PDXDC1: variants seen among roughly 807,000 people sequenced by gnomAD.
The protein encoded by PDXDC1 is pyridoxal dependent decarboxylase domain containing 1.
In PDXDC1, 42 loss-of-function variants were observed where a neutral mutation model predicts 100.1. That is an observed-to-expected ratio of 0.42 (90% CI 0.33 to 0.54). PDXDC1 has a LOEUF of 0.54. PDXDC1 is among the 20% of genes least tolerant of loss of function. The probability of loss-of-function intolerance (pLI) is 0.10; values close to 1 mark genes in which losing one functional copy is unlikely to be tolerated. For synonymous variants in PDXDC1, 260 were observed against 371.7 expected, an observed-to-expected ratio of 0.70 and a Z score of 3.46; for missense variants, 636 against 979.2, an observed-to-expected ratio of 0.65 and a Z score of 4.68.
chr16:15,115,232 CA>C (rs201689892), intron 16 of PDXDC1, among the ~76,000 whole-genome samples: 9,603 of 131,454 alleles, frequency 0.073, 558 homozygotes, highest in African/African-American at 0.16. Flanking sequence ...CGTGCCCAGC[CA>C]TTTTTTTTCT....
At chr16:15,060,384 T>C (rs2044668912) in intron 16 of PDXDC1, 1 of 194,172 alleles carries the variant, frequency 5.2e-6, no homozygotes, top group African/African-American at 2.4e-5. Context: ...CAAAAAAGTA[T>C]TTACAGACTG....
At chr16:14,982,811 C>T (rs1195836083) in intron 1 of PDXDC1, among the ~76,000 whole-genome samples, 3 of 152,234 alleles carry the variant, frequency 2.0e-5, no homozygotes, top group South Asian at 2.1e-4. Context: ...ACTTGTTTAA[C>T]TAGTGCTAGA....
chr16:15,129,043 G>A (rs1411340859), intron 16 of PDXDC1, among the ~76,000 whole-genome samples: 9 of 151,576 alleles, frequency 5.9e-5, no homozygotes, highest in Admixed American at 5.9e-4. Context: ...CTGACCCCGT[G>A]ATTTGCCTGC....
rs192030946 is a variant in PDXDC1, at chr16:15,081,821, A to G, written c.1399+51765A>G. 1.2e-3 allele frequency among the ~76,000 whole-genome samples: 180 copies of G among 152,208 alleles called. 1 individual carries two copies. Among genetic ancestry groups the G allele is most frequent in the African/African-American group, 4.3e-3 (178 of 41,514 alleles). ...TTTTTACTCTTCATGTAGGGCTTTT[A>G]TTGAGTTCATTTTTAAATATGGATA... is the stretch of plus-strand genomic sequence containing the variant. On this transcript the variant is annotated intron_variant, in intron 16 of 16. Transcript: ENST00000535621.
At chr16:15,040,227 A>G (rs940211165), downstream of PDXDC1, 4 of 440,940 alleles carry the variant, frequency 9.1e-6, no homozygotes, top group Admixed American at 4.2e-5. Context: ...GGAAAATGCA[A>G]CCTTTACCCC....
chr16:15,143,140 C>T (rs527726444), downstream of PDXDC1, among the ~76,000 whole-genome samples: 390 of 152,268 alleles, frequency 2.6e-3, 1 homozygote, highest in Admixed American at 8.5e-3. Flanking sequence ...GGGCCCCCAG[C>T]GCCGAGCGTC....
In PDXDC1 at chr16:15,026,643, G is replaced by A. The variant is rs531132493; in HGVS notation, c.1141G>A (p.Val381Met). The A allele has an allele frequency of 6.2e-7, 1 of 1,611,636 alleles. No homozygotes were observed. Among genetic ancestry groups the A allele is most frequent in the East Asian group, 2.2e-5 (1 of 44,792 alleles). The stretch of plus-strand genomic sequence containing the variant: ...TGATATGAGACTTCCATTCTTCCAG[G>A]TGGAAGATGAGCTCAGCTCCCCAGT... ...LKKVNYIKIL[V>M]EDELSSPVVV... Residue 381 changes from valine to methionine, a missense_variant and splice_region_variant, in exon 14 of 23, where the codon GTG becomes ATG. Physicochemically the swap from Val to Met is conservative, Grantham distance 21 (BLOSUM62 1). Coordinates refer to ENST00000396410, the MANE Select transcript of PDXDC1 (RefSeq NM_015027.4).
At chr16:14,984,921 C>T (rs538839140) in intron 1 of PDXDC1, among the ~76,000 whole-genome samples, 342 of 152,208 alleles carry the variant, frequency 2.2e-3, no homozygotes, top group Non-Finnish European at 3.8e-3. Context: ...GTCACCTAGG[C>T]TGGAGTGCAG....
intron 22 of PDXDC1, 136 bp downstream of exon 22, chr16:15,035,689 T>C (rs1265645925): frequency 6.7e-6 from 4 of 601,398 alleles, no homozygotes; most frequent in Non-Finnish European, 1.2e-5. Flanking sequence ...TTAACCATCT[T>C]GGTAGCCGTG....
At chr16:15,125,143 C>A (rs1462859829) in intron 16 of PDXDC1, 2 of 447,760 alleles carry the variant, frequency 4.5e-6, no homozygotes, top group African/African-American at 5.5e-5. Flanking sequence ...TGGAATGAGA[C>A]TCTGTCTCAA....
intron 16 of PDXDC1, chr16:15,073,222 T>C: frequency 1.1e-6 from 1 of 923,124 alleles, no homozygotes; most frequent in Admixed American, 2.7e-5. Context: ...TCCCAGCACT[T>C]TGGGAGGCCA....
rs760687029 is a variant in PDXDC1, at chr16:15,036,299, G to C, written c.*24G>C. 6.3e-7 allele frequency: 1 copy of C among 1,585,268 alleles called. No homozygotes were observed. ...GAGACTCATTGTGTGGTTTGAGACT[G>C]TACTGAGTATTGTTTCAGGGAAGAT... is the stretch of plus-strand genomic sequence containing the variant. On this transcript the variant is annotated 3_prime_UTR_variant, in exon 23 of 23. Coordinates refer to ENST00000396410, the MANE Select transcript of PDXDC1 (RefSeq NM_015027.4).
intron 13 of PDXDC1, among the ~76,000 whole-genome samples, chr16:15,024,111 T>C (rs1176985905): frequency 6.6e-6 from 1 of 152,284 alleles, no homozygotes; most frequent in Non-Finnish European, 1.5e-5. Context: ...CCAGTTGTTT[T>C]GGAGCATCTC....
intron 1 of PDXDC1, among the ~76,000 whole-genome samples, chr16:14,975,974 A>G (rs1966775859): frequency 6.6e-6 from 1 of 152,296 alleles, no homozygotes; most frequent in African/African-American, 2.4e-5. Context: ...GCGAGGAGGG[A>G]TCCCCGAGTC....
At chr16:15,085,569 T>C in intron 16 of PDXDC1, 3 of 1,582,708 alleles carry the variant, frequency 1.9e-6, no homozygotes, top group Non-Finnish European at 2.6e-6. Flanking sequence ...CCTCCCGTCT[T>C]GGCTTCCCAA....
chr16:15,038,073 A>C lies in PDXDC1; in HGVS notation c.*1798A>C. 1 of 1,603,366 alleles carries C rather than the reference A, an allele frequency of 6.2e-7. No homozygotes were observed. The highest frequency in any genetic ancestry group is 1.1e-5 in the South Asian group (1 of 89,972). ...AGATCTTTTCCCACAAGCCATCTTC[A>C]TTTTTTTTGTAGAGTAGGGCTTTAT... is the stretch of plus-strand genomic sequence containing the variant. On this transcript the variant is annotated 3_prime_UTR_variant, in exon 23 of 23. Transcript: ENST00000396410.
At chr16:15,048,943 G>C (rs1243563690) in intron 16 of PDXDC1, among the ~76,000 whole-genome samples, 3 of 148,252 alleles carry the variant, frequency 2.0e-5, no homozygotes, top group Non-Finnish European at 4.5e-5. Context: ...ACTTTTTGTA[G>C]AGATGAGGCC....
At position 15,094,158 on chromosome 16, in the gene PDXDC1, C is replaced by T. The variant is rs746985884; in HGVS notation, c.1400-44721C>T. On this transcript the variant is annotated intron_variant, in intron 16 of 16. Transcript: ENST00000535621. ...CCTGAATCTTACCCAGTCCTCGACG[C>T]GCCCAGCTTCTTAACTGCAGAGGAC... is the stretch of plus-strand genomic sequence containing the variant. The T allele has an allele frequency of 1.2e-5, 19 of 1,600,058 alleles. No homozygotes were observed. The South Asian group carries it at 1.8e-4, about 15-fold the overall frequency.
Position 15,038,197 on chromosome 16 carries a change from G to T in PDXDC1, c.*1922G>T. On this transcript the variant is annotated 3_prime_UTR_variant, in exon 23 of 23. Coordinates refer to ENST00000396410, the MANE Select transcript of PDXDC1 (RefSeq NM_015027.4). ...AAAGTGGGGTGGCTCAGCCAGAGGC[G>T]AAGTGGAAAGATTCTGAAAACACAA... The T allele has an allele frequency of 6.2e-7, 1 of 1,612,326 alleles. No homozygotes were observed. The highest frequency in any genetic ancestry group is 8.5e-7 in the Non-Finnish European group (1 of 1,179,188).
Sources: allele counts gnomAD v4.1 joint callset (sites outside exome capture counted in the v4.1 genomes callset), GRCh38; gene constraint gnomAD v4.1.1; transcripts MANE v1.5; gene names NCBI Gene and HGNC (gene_info 2026-07-23, HGNC 2026-07-21).